Variants in GFPT1 observed in about 807,000 individuals in gnomAD.
GFPT1 encodes glutamine--fructose-6-phosphate transaminase 1, also known as glutamine--fructose-6-phosphate aminotransferase [isomerizing] 1.
Under a neutral mutation model 92.0 loss-of-function variants are expected in GFPT1, and 40 were observed. That is an observed-to-expected ratio of 0.43 (90% CI 0.34 to 0.57). The LOEUF (loss-of-function observed/expected upper bound fraction) is 0.57, where lower values mean the gene tolerates loss of function less well. GFPT1 is among the 20% of genes least tolerant of loss of function. The pLI is 0.02. For missense variants in GFPT1, 448 were observed against 869.1 expected (o/e 0.52, Z 6.09); for synonymous variants, 269 against 280.6 (o/e 0.96, Z 0.41).
chr2:69,383,688 C>T (rs1284978717), intron 1 of GFPT1, among the ~76,000 whole-genome samples: 1 of 152,164 alleles, frequency 6.6e-6, no homozygotes, highest in East Asian at 1.9e-4. Flanking sequence ...TAGAATGGCA[C>T]TATCTCAGCT....
At chr2:69,346,069 G>C in intron 11 of GFPT1, 70 bp from the exon 12 acceptor site, 1 of 882,324 alleles carries the variant, frequency 1.1e-6, no homozygotes, top group Non-Finnish European at 1.9e-6. Flanking sequence ...ACAACTAAAA[G>C]TTTCCTTTAA....
Position 69,322,946 on chromosome 2 carries a change from G to T in GFPT1, c.*3243C>A, listed in dbSNP as rs1409420728. 6.6e-6 allele frequency: 1 copy of T among 152,114 alleles called. No homozygotes were observed. Among genetic ancestry groups the T allele is most frequent in the Non-Finnish European group, 1.5e-5 (1 of 68,018 alleles). The allele number at this position is 152,114 out of a possible 1,614,324, so 9.4% of individuals were successfully genotyped here. ...CACCCTATGCCTTCCAATGAACCTA[G>T]TCTTTGCTAGTGATGAGTCCATCTG... On this transcript the variant is annotated 3_prime_UTR_variant, in exon 20 of 20. Coordinates refer to ENST00000357308, the MANE Select transcript of GFPT1 (RefSeq NM_001244710.2).
chr2:69,376,329 C>T (rs1482882093), intron 1 of GFPT1, among the ~76,000 whole-genome samples: 2 of 152,078 alleles, frequency 1.3e-5, no homozygotes, highest in Non-Finnish European at 2.9e-5. Context: ...GCCAACATGG[C>T]GAAACCCATA....
At chr2:69,376,399 A>G (rs978558478) in intron 1 of GFPT1, among the ~76,000 whole-genome samples, 2 of 152,142 alleles carry the variant, frequency 1.3e-5, no homozygotes, top group African/African-American at 4.8e-5. Flanking sequence ...TACTCCAGCT[A>G]CTTGGTAGGC....
intron 7 of GFPT1, 142 bp from the exon 8 acceptor site, chr2:69,354,710 G>T (rs1489058226): frequency 7.5e-6 from 5 of 669,128 alleles, no homozygotes; most frequent in Non-Finnish European, 1.4e-5. Flanking sequence ...TAGATAAAAA[G>T]AATTTTTTAA....
intron 3 of GFPT1, 148 bp downstream of exon 3, chr2:69,369,853 C>T: frequency 1.5e-6 from 1 of 686,468 alleles, no homozygotes; most frequent in Non-Finnish European, 2.7e-6. Flanking sequence ...AGTAACAAAA[C>T]TACTTTTCTT....
chr2:69,379,785 G>A (rs577363607), intron 1 of GFPT1, among the ~76,000 whole-genome samples: 4 of 151,996 alleles, frequency 2.6e-5, no homozygotes, highest in Admixed American at 6.5e-5. Context: ...ATAGTGATGC[G>A]ATCTTGGCTC....
chr2:69,329,697 C>G lies in GFPT1; in HGVS notation c.1584G>C (p.Leu528Phe), dbSNP rs1670613845. 1 of 1,608,716 alleles carries G rather than the reference C, an allele frequency of 6.2e-7. No individual in the cohort carries two copies. Among genetic ancestry groups the G allele is most frequent in the Non-Finnish European group, 8.5e-7 (1 of 1,175,094 alleles). The change falls in exon 16 of 20, where the codon TTG becomes TTC. Residue 528 changes from leucine to phenylalanine, a missense_variant. Physicochemically the swap from Leu to Phe is conservative, Grantham distance 22 (BLOSUM62 0). This residue lies in a region of GFPT1 where 73 missense variants were observed against 103.5 expected (regional missense o/e 0.71). Coordinates refer to ENST00000357308, the MANE Select transcript of GFPT1 (RefSeq NM_001244710.2). ...QERRKEIMLG[L>F]KRLPDLIKEV... ...GTGTCTTTGTACCAGGCAGCCGTTT[C>G]AATCCAAGCATGATCTCTTTGCGTC...
intron 15 of GFPT1, among the ~76,000 whole-genome samples, chr2:69,331,100 A>G (rs2104603324): frequency 6.6e-6 from 1 of 152,244 alleles, no homozygotes; most frequent in Non-Finnish European, 1.5e-5. Flanking sequence ...ATTCTTACTA[A>G]CTTTATGTGA....
At chr2:69,334,781 C>A (rs1385492069) in intron 15 of GFPT1, 1 of 152,130 alleles carries the variant, frequency 6.6e-6, no homozygotes, top group Non-Finnish European at 1.5e-5. Context: ...CTGGAAAATG[C>A]CATAATACAG....
At chr2:69,360,043 T>C (rs890147710) in intron 4 of GFPT1, among the ~76,000 whole-genome samples, 14 of 152,086 alleles carry the variant, frequency 9.2e-5, no homozygotes, top group African/African-American at 3.1e-4. Context: ...AAACTACCAA[T>C]CCGGCTGAGC....
At chr2:69,351,889 G>T (rs188860511) in intron 9 of GFPT1, among the ~76,000 whole-genome samples, 41 of 152,290 alleles carry the variant, frequency 2.7e-4, no homozygotes, top group African/African-American at 9.4e-4. Flanking sequence ...TCTGTATCTT[G>T]ATTATGGTGG....
chr2:69,338,391 G>C, intron 14 of GFPT1, 54 bp downstream of exon 14: 1 of 1,486,858 alleles, frequency 6.7e-7, no homozygotes, highest in Non-Finnish European at 9.4e-7. Flanking sequence ...AGATATGCTA[G>C]AATTATTAGA....
At chr2:69,386,654 C>A (rs974848074) in intron 1 of GFPT1, among the ~76,000 whole-genome samples, 1 of 152,214 alleles carries the variant, frequency 6.6e-6, no homozygotes, top group Non-Finnish European at 1.5e-5. Flanking sequence ...TAGAAAAATG[C>A]AAGGTAAGTT....
chr2:69,337,867 TA>T (rs1436326149), intron 15 of GFPT1, 30 bp downstream of exon 15: 7 of 1,585,228 alleles, frequency 4.4e-6, no homozygotes, highest in Non-Finnish European at 6.1e-6. Context: ...TATGATTAAA[TA>T]ATCATCAGAG....
At chr2:69,381,746 A>G (rs1672015834) in intron 1 of GFPT1, among the ~76,000 whole-genome samples, 1 of 147,276 alleles carries the variant, frequency 6.8e-6, no homozygotes, top group Admixed American at 6.8e-5. Context: ...TAGAGATGGG[A>G]TCTCACTATG....
intron 9 of GFPT1, among the ~76,000 whole-genome samples, chr2:69,351,299 G>A (rs1671200766): frequency 6.6e-6 from 1 of 152,090 alleles, no homozygotes; most frequent in South Asian, 2.1e-4. Context: ...GGAATGCTAA[G>A]GTTTTATAAA....
intron 4 of GFPT1, among the ~76,000 whole-genome samples, chr2:69,360,359 A>T (rs1020527012): frequency 6.6e-6 from 1 of 151,264 alleles, no homozygotes. Flanking sequence ...AAATCCTACC[A>T]ATCCTGGATT....
chr2:69,380,163 C>A (rs1046764779), intron 1 of GFPT1, among the ~76,000 whole-genome samples: 1 of 152,050 alleles, frequency 6.6e-6, no homozygotes, highest in East Asian at 2.0e-4. Flanking sequence ...CATGGTGAAA[C>A]CCCGTCTCCA....
Sources: allele counts gnomAD v4.1 joint callset (sites outside exome capture counted in the v4.1 genomes callset), GRCh38; gene constraint gnomAD v4.1.1; regional missense constraint gnomAD v4.1.1; transcripts MANE v1.5; gene names NCBI Gene and HGNC (gene_info 2026-07-23, HGNC 2026-07-21).